Variants in ICE1 observed in about 807,000 individuals in gnomAD.
ICE1 encodes little elongation complex subunit 1.
In ICE1, 64 loss-of-function variants were observed where a neutral mutation model predicts 192.7. The observed-to-expected ratio is 0.33, with a 90% CI of 0.27 to 0.41. The LOEUF is 0.41. ICE1 is among the 10% of genes least tolerant of loss of function. The probability of loss-of-function intolerance (pLI) is 1.00; values close to 1 mark genes in which losing one functional copy is unlikely to be tolerated. For synonymous variants in ICE1, 1,010 were observed against 984.5 expected (o/e 1.03, Z -0.49); for missense variants, 2,708 against 2,696.0 (o/e 1.00, Z -0.10).
chr5:5,458,811 A>T (rs1385682745), intron 12 of ICE1, among the ~76,000 whole-genome samples: 3 of 152,130 alleles, frequency 2.0e-5, no homozygotes, highest in African/African-American at 7.2e-5. Flanking sequence ...GAGTGGGGGG[A>T]TAGTCAGAAA....
At chr5:5,439,740 T>C (rs1737983729) in intron 3 of ICE1, among the ~76,000 whole-genome samples, 155 bp from the exon 4 acceptor site, 1 of 152,166 alleles carries the variant, frequency 6.6e-6, no homozygotes, top group African/African-American at 2.4e-5. Context: ...TACCACTGTG[T>C]TTTAGATTGC....
chr5:5,463,713 G>T lies in ICE1; in HGVS notation c.4379G>T (p.Gly1460Val). The T allele has an allele frequency of 6.2e-7, 1 of 1,613,870 alleles. No individual in the cohort carries two copies. Among genetic ancestry groups the T allele is most frequent in the South Asian group, 1.1e-5 (1 of 91,074 alleles). The change falls in exon 13 of 19, where the codon GGT becomes GTT. Residue 1460 changes from glycine to valine, a missense_variant. Transcript: ENST00000296564. ...CAGGATCAAGGAGAGCTGGAAGCTG[G>T]TTGCATCCCAGTGACTTCTGCTGAG... ...ISQDQGELEA[G>V]CIPVTSAEKS... is the part of the protein sequence containing the mutation.
At chr5:5,457,191 T>G in intron 11 of ICE1, 141 bp from the exon 12 acceptor site, 4 of 718,354 alleles carry the variant, frequency 5.6e-6, no homozygotes, top group Non-Finnish European at 8.7e-6. Context: ...AGAAAGCGAT[T>G]GGTTGCCTTT....
chr5:5,452,028 T>C (rs1404867537), intron 10 of ICE1, among the ~76,000 whole-genome samples: 1 of 152,114 alleles, frequency 6.6e-6, no homozygotes, highest in Non-Finnish European at 1.5e-5. Context: ...TGTGATCATC[T>C]CAATTCAGCA....
chr5:5,436,328 A>T (rs1477059911), intron 1 of ICE1, 90 bp from the exon 2 acceptor site: 4 of 790,200 alleles, frequency 5.1e-6, no homozygotes, highest in Non-Finnish European at 7.7e-6. Flanking sequence ...ATAATTATTA[A>T]AATTCTTAGA....
chr5:5,439,640 C>T (rs182066261), intron 3 of ICE1, among the ~76,000 whole-genome samples: 1 of 152,146 alleles, frequency 6.6e-6, no homozygotes, highest in Non-Finnish European at 1.5e-5. Flanking sequence ...TCTGATCATA[C>T]ATTTATTCAC....
intron 17 of ICE1, among the ~76,000 whole-genome samples, chr5:5,479,498 G>A (rs866464236): frequency 2.0e-5 from 3 of 152,322 alleles, no homozygotes; most frequent in Middle Eastern, 3.4e-3. Flanking sequence ...GCTGGTGGGA[G>A]TGGAAATTAG....
intron 1 of ICE1, among the ~76,000 whole-genome samples, chr5:5,428,619 G>C (rs1737600270): frequency 6.6e-6 from 1 of 152,120 alleles, no homozygotes; most frequent in South Asian, 2.1e-4. Flanking sequence ...ACATGTTCCA[G>C]GGTATACTTC....
At chr5:5,482,215 C>T (rs974486321) in intron 17 of ICE1, among the ~76,000 whole-genome samples, 1 of 152,002 alleles carries the variant, frequency 6.6e-6, no homozygotes, top group African/African-American at 2.4e-5. Flanking sequence ...ATCTAAAATT[C>T]TGGCTGTTGA....
intron 1 of ICE1, among the ~76,000 whole-genome samples, chr5:5,428,575 A>C (rs191429296): frequency 6.6e-6 from 1 of 152,306 alleles, no homozygotes; most frequent in Non-Finnish European, 1.5e-5. Context: ...CATTTGCTTC[A>C]TCATTGTCTG....
chr5:5,473,668 T>A lies in ICE1; in HGVS notation c.6333T>A (p.Asp2111Glu). The change falls in exon 16 of 19, where the codon GAT (aspartate) becomes GAA (glutamate). Residue 2111 changes from aspartate (D) to glutamate (E), a missense_variant. Asp to Glu is a conservative substitution (Grantham distance 45). Coordinates refer to ENST00000296564, the MANE Select transcript of ICE1 (RefSeq NM_015325.3). ...PSEKFGEDLSDNTWEYIFAID... is the reference protein window; with the variant it reads ...PSEKFGEDLSENTWEYIFAID... ...AAAAATTTGGTGAAGACCTAAGTGA[T>A]AACACTTGGGAATACATATTTGCCA... is the stretch of plus-strand genomic sequence containing the variant. 1 of 1,613,592 alleles carries A rather than the reference T, an allele frequency of 6.2e-7. No individual in the cohort carries two copies. The highest frequency in any genetic ancestry group is 1.3e-5 in the African/African-American group (1 of 75,062).
intron 3 of ICE1, chr5:5,437,698 G>C (rs1737912251): frequency 6.6e-6 from 1 of 152,310 alleles, no homozygotes; most frequent in South Asian, 2.1e-4. Flanking sequence ...TTAGTGTCTG[G>C]TCAGCTATTT....
chr5:5,473,409 A>G, intron 15 of ICE1, 149 bp from the exon 16 acceptor site: 1 of 684,868 alleles, frequency 1.5e-6, no homozygotes, highest in Non-Finnish European at 2.3e-6. Flanking sequence ...GACTAAGATA[A>G]ACATGGTTCC....
At chr5:5,453,116 G>T (rs181515563) in intron 10 of ICE1, among the ~76,000 whole-genome samples, 1 of 151,914 alleles carries the variant, frequency 6.6e-6, no homozygotes, top group Non-Finnish European at 1.5e-5. Flanking sequence ...TTTTTTTAAG[G>T]TTCCTTGTTT....
At position 5,471,200 on chromosome 5, in the gene ICE1, T is replaced by C. The variant is rs571703391; in HGVS notation, c.6222+2212T>C. ...GATTTGAAATGGGAAAGTAGACATA[T>C]AGGACACAGAATGAGAAGACTACTA... On this transcript the variant is annotated intron_variant, in intron 15 of 18. Coordinates refer to ENST00000296564, the MANE Select transcript of ICE1 (RefSeq NM_015325.3). Among the ~76,000 whole-genome samples the C allele has an allele frequency of 9.9e-5, 15 of 152,244 alleles. No individual in the cohort carries two copies. In the South Asian group the frequency reaches 3.1e-3, roughly 32 times the overall value.
chr5:5,456,123 CAG>C lies in ICE1; in HGVS notation c.692-1208_692-1207del, dbSNP rs1173853661. Among the ~76,000 whole-genome samples, 7 of 152,274 alleles carry C rather than the reference CAG, an allele frequency of 4.6e-5. No individual in the cohort carries two copies. In the South Asian group the frequency reaches 1.0e-3, roughly 23 times the overall value. ...CACAGTGGTGCTGTTTCTCTTTGCT[CAG>C]GGAGTTGTTCTAGGGATAGGTGATG... On this transcript the variant is annotated intron_variant, in intron 11 of 18. Coordinates refer to ENST00000296564, the MANE Select transcript of ICE1 (RefSeq NM_015325.3).
chr5:5,481,388 G>A (rs1033910541), intron 17 of ICE1, among the ~76,000 whole-genome samples: 3 of 152,114 alleles, frequency 2.0e-5, no homozygotes, highest in Non-Finnish European at 4.4e-5. Flanking sequence ...AGCCTTATAC[G>A]ACAGCGGAAG....
chr5:5,472,967 G>A (rs1190477732), intron 15 of ICE1, among the ~76,000 whole-genome samples: 2 of 152,128 alleles, frequency 1.3e-5, no homozygotes, highest in Non-Finnish European at 2.9e-5. Context: ...ATTCATAGCA[G>A]CATTAACAGT....
intron 14 of ICE1, among the ~76,000 whole-genome samples, chr5:5,467,675 C>T (rs892352895): frequency 6.6e-6 from 1 of 152,162 alleles, no homozygotes. Context: ...TCTGAAGTGT[C>T]ACCAGATAAA....
Sources: allele counts gnomAD v4.1 joint callset (sites outside exome capture counted in the v4.1 genomes callset), GRCh38; gene constraint gnomAD v4.1.1; transcripts MANE v1.5; gene names NCBI Gene and HGNC (gene_info 2026-07-23, HGNC 2026-07-21).